IL5: variants seen among roughly 807,000 people sequenced by gnomAD.
IL5 encodes interleukin 5, also known as interleukin-5.
A neutral mutation model predicts 16.3 loss-of-function variants in IL5; 12 were observed. The observed-to-expected ratio is 0.74, with a 90% CI of 0.47 to 1.20. The LOEUF is 1.20. Among genes scored for constraint, IL5 ranks in the 50% most tolerant of loss-of-function variants. The probability of loss-of-function intolerance (pLI) is 0.00; values close to 1 mark genes in which losing one functional copy is unlikely to be tolerated. For synonymous variants in IL5, 54 were observed against 56.6 expected, an observed-to-expected ratio of 0.95 and a Z score of 0.21; for missense variants, 159 against 153.9, an observed-to-expected ratio of 1.03 and a Z score of -0.17.
chr5:132,553,766 C>T (rs1749921978), intron 1 of IL5, among the ~76,000 whole-genome samples: 1 of 151,596 alleles, frequency 6.6e-6, no homozygotes. Flanking sequence ...GAAACCCCGT[C>T]TCTACTAAAA....
chr5:132,550,617 T>A (rs1490019234), intron 1 of IL5, among the ~76,000 whole-genome samples: 1 of 19,264 alleles, frequency 5.2e-5, no homozygotes, highest in Non-Finnish European at 5.8e-4. Flanking sequence ...CCAATGCGCC[T>A]GGCCAGAAAA....
chr5:132,545,525 C>T (rs1158709552), upstream of IL5, among the ~76,000 whole-genome samples: 3 of 152,068 alleles, frequency 2.0e-5, no homozygotes, highest in South Asian at 4.2e-4. Context: ...CAGTGGCTCA[C>T]GCCTGTAATC....
chr5:132,546,220 G>C (rs1580966487), upstream of IL5, among the ~76,000 whole-genome samples: 1 of 152,142 alleles, frequency 6.6e-6, no homozygotes, highest in East Asian at 1.9e-4. Context: ...GTAGCCTTAA[G>C]TACATTCATA....
intron 2 of IL5, among the ~76,000 whole-genome samples, chr5:132,542,863 C>T (rs901432561): frequency 6.6e-6 from 1 of 152,186 alleles, no homozygotes; most frequent in Non-Finnish European, 1.5e-5. Context: ...ACACGATGCT[C>T]TTTGGGAGGC....
chr5:132,554,887 C>T (rs1005194503), intron 1 of IL5, among the ~76,000 whole-genome samples: 1 of 152,168 alleles, frequency 6.6e-6, no homozygotes, highest in African/African-American at 2.4e-5. Context: ...ATATATGCTA[C>T]AGTGGTCCCC....
At chr5:132,544,047 T>A (rs1749746114), upstream of IL5, 1 of 152,282 alleles carries the variant, frequency 6.6e-6, no homozygotes, top group Non-Finnish European at 1.5e-5. Context: ...TGCCAGTGAC[T>A]AAAAACCTAA....
intron 2 of IL5, 111 bp from the exon 3 acceptor site, chr5:132,542,254 T>C (rs917841389): frequency 1.8e-5 from 10 of 547,508 alleles, no homozygotes; most frequent in African/African-American, 1.1e-4. Flanking sequence ...TTGTACACAA[T>C]AAATATATAT....
Position 132,543,522 on chromosome 5 carries a change from T to C in IL5, c.-44A>G, listed in dbSNP as rs368495887. 3.1e-6 allele frequency: 5 copies of C among 1,606,904 alleles called. No individual in the cohort carries two copies. Among genetic ancestry groups the C allele is most frequent in the Non-Finnish European group, 4.2e-6 (5 of 1,176,476 alleles). On this transcript the variant is annotated 5_prime_UTR_variant, in exon 1 of 4. An upstream start codon of the reference 5' UTR is lost. Coordinates refer to ENST00000231454, the MANE Select transcript of IL5 (RefSeq NM_000879.3). The stretch of plus-strand genomic sequence containing the variant: ...GTTTGCCTTTGGCAAAGAAAGTGCA[T>C]AGTACAAGACTGCGTCCCCAGTCAA...
At chr5:132,546,754 G>T (rs750893648), upstream of IL5, among the ~76,000 whole-genome samples, 1 of 152,180 alleles carries the variant, frequency 6.6e-6, no homozygotes, top group Non-Finnish European at 1.5e-5. Context: ...GGCCAGGCAT[G>T]GTGGCTCACA....
upstream of IL5, among the ~76,000 whole-genome samples, chr5:132,546,764 A>G (rs1375678504): frequency 3.9e-5 from 6 of 152,274 alleles, no homozygotes; most frequent in South Asian, 4.2e-4. Flanking sequence ...GGTGGCTCAC[A>G]CCTGTAATCT....
At chr5:132,554,318 G>A (rs6882199) in intron 1 of IL5, among the ~76,000 whole-genome samples, 6,969 of 133,154 alleles carry the variant, frequency 0.052, 553 homozygotes, top group African/African-American at 0.18. Flanking sequence ...AGTGAGCCAA[G>A]ATCGCACCAT....
upstream of IL5, chr5:132,543,628 A>C: frequency 1.7e-6 from 1 of 578,062 alleles, no homozygotes; most frequent in Non-Finnish European, 2.8e-6. Context: ...CGTGAAACTA[A>C]ATGTTTCCAA....
chr5:132,552,141 C>T (rs954688129), intron 1 of IL5, among the ~76,000 whole-genome samples: 8 of 151,966 alleles, frequency 5.3e-5, no homozygotes, highest in Non-Finnish European at 1.2e-4. Flanking sequence ...TGGTGGTGCA[C>T]GCCTGTAGTC....
At chr5:132,549,544 C>T (rs183940039) in intron 1 of IL5, among the ~76,000 whole-genome samples, 28 of 152,274 alleles carry the variant, frequency 1.8e-4, no homozygotes, top group African/African-American at 6.0e-4. Flanking sequence ...ACAATTAGTA[C>T]TTTGATTTTT....
At chr5:132,543,032 A>C in intron 2 of IL5, 62 bp downstream of exon 2, 1 of 1,224,376 alleles carries the variant, frequency 8.2e-7, no homozygotes, top group Non-Finnish European at 1.2e-6. Context: ...AATGATTTAC[A>C]GCTTAAAACA....
upstream of IL5, among the ~76,000 whole-genome samples, chr5:132,545,289 G>A (rs1749765808): frequency 6.6e-6 from 1 of 152,198 alleles, no homozygotes; most frequent in Non-Finnish European, 1.5e-5. Context: ...TTAGGTGAAA[G>A]TTTCAGGGGA....
chr5:132,542,433 A>G (rs1749712999), intron 2 of IL5, among the ~76,000 whole-genome samples: 1 of 152,162 alleles, frequency 6.6e-6, no homozygotes, highest in Non-Finnish European at 1.5e-5. Context: ...AAGTAGATGA[A>G]GCTTATATGA....
upstream of IL5, among the ~76,000 whole-genome samples, chr5:132,548,025 C>T (rs138213797): frequency 4.6e-3 from 697 of 152,140 alleles, 5 homozygotes; most frequent in African/African-American, 0.014. Flanking sequence ...GCTGAGATAG[C>T]GCCACTGCAC....
chr5:132,556,705 A>G, exon 1 of IL5: 8 of 1,252,990 alleles, frequency 6.4e-6, no homozygotes, highest in Non-Finnish European at 8.3e-6. Context: ...CCACCCCACC[A>G]CTACCCCCAT....
Sources: gnomAD v4.1 joint callset for allele counts (sites outside exome capture counted in the v4.1 genomes callset) on GRCh38, gnomAD v4.1.1 for gene constraint, MANE v1.5 for transcripts, NCBI Gene and HGNC (gene_info 2026-07-23, HGNC 2026-07-21) for gene names.